Variants in ADCY2 observed in about 807,000 individuals in gnomAD.
ADCY2 encodes the protein adenylate cyclase 2.
Under a neutral mutation model 125.2 loss-of-function variants are expected in ADCY2, and 31 were observed. That is an observed-to-expected ratio of 0.25 (90% confidence interval 0.19 to 0.33). The LOEUF is 0.33. Ranked by LOEUF, ADCY2 falls within the 10% of genes least tolerant of loss-of-function variation. ADCY2 has a pLI of 1.00. For synonymous variants in ADCY2, 512 were observed against 548.4 expected (o/e 0.93, Z 0.93); for missense variants, 904 against 1,418.2 (o/e 0.64, Z 5.82).
chr5:7,590,653 G>A (rs925818024), intron 3 of ADCY2, among the ~76,000 whole-genome samples: 4 of 151,806 alleles, frequency 2.6e-5, no homozygotes, highest in Admixed American at 2.0e-4. Flanking sequence ...ATCAGAAAAG[G>A]TGAAATATTA....
intron 3 of ADCY2, among the ~76,000 whole-genome samples, chr5:7,584,248 C>A (rs778989030): frequency 6.6e-6 from 1 of 151,786 alleles, no homozygotes; most frequent in South Asian, 2.1e-4. Context: ...ACAATGATAG[C>A]GAATGTTGAA....
intron 2 of ADCY2, among the ~76,000 whole-genome samples, chr5:7,470,552 G>T (rs918418524): frequency 6.8e-6 from 1 of 147,086 alleles, no homozygotes; most frequent in African/African-American, 2.5e-5. Flanking sequence ...ATTAATATAT[G>T]TATATATTAT....
In ADCY2 at chr5:7,709,060, C is replaced by G. The variant is rs1741356312; in HGVS notation, c.1402-151C>G. On this transcript the variant is annotated intron_variant, in intron 9 of 24. Transcript: ENST00000338316. This position sits in a 1 kb window ranked among gnomAD's most constrained non-coding sequence, Gnocchi z 4.4. ...TCCCTCAACTCAAATAGTGTGTTCC[C>G]CAGTAACACTGAAGGAATAAGGACA... The G allele has an allele frequency of 1.5e-6, 1 of 657,866 alleles. No individual in the cohort carries two copies. Among genetic ancestry groups the G allele is most frequent in the Non-Finnish European group, 2.2e-6 (1 of 444,880 alleles). The allele number at this position is 657,866 out of a possible 1,614,324, so 40.8% of individuals were successfully genotyped here.
intron 2 of ADCY2, among the ~76,000 whole-genome samples, chr5:7,462,159 C>A (rs1741940174): frequency 6.6e-6 from 1 of 152,220 alleles, no homozygotes; most frequent in Non-Finnish European, 1.5e-5. Context: ...CCTAAGTATT[C>A]TATTAGGCCT....
chr5:7,758,366 T>TCAG (rs981432966), intron 16 of ADCY2, among the ~76,000 whole-genome samples: 4 of 152,134 alleles, frequency 2.6e-5, no homozygotes, highest in African/African-American at 9.7e-5. Flanking sequence ...TGTTCTCACA[T>TCAG]CAGCAGCAGC....
chr5:7,584,569 T>C (rs1264425708), intron 3 of ADCY2, among the ~76,000 whole-genome samples: 2 of 152,118 alleles, frequency 1.3e-5, no homozygotes, highest in Non-Finnish European at 2.9e-5. Context: ...CACCCAGCTT[T>C]GTAACTGTGG....
At chr5:7,485,099 G>A (rs1742874851) in intron 2 of ADCY2, among the ~76,000 whole-genome samples, 1 of 152,122 alleles carries the variant, frequency 6.6e-6, no homozygotes. Flanking sequence ...TAACTTACAT[G>A]TCACTAACTA....
chr5:7,733,627 C>T (rs912436084), intron 14 of ADCY2, among the ~76,000 whole-genome samples: 19 of 152,176 alleles, frequency 1.2e-4, no homozygotes, highest in African/African-American at 4.3e-4. Flanking sequence ...TGTTGAACCC[C>T]CTAGAGCTCC....
intron 3 of ADCY2, among the ~76,000 whole-genome samples, chr5:7,617,105 T>C (rs1737790544): frequency 6.6e-6 from 1 of 152,156 alleles, no homozygotes; most frequent in Admixed American, 6.5e-5. Context: ...AGGGAGTTAA[T>C]CCCTTTTTTT....
intron 2 of ADCY2, among the ~76,000 whole-genome samples, chr5:7,501,646 T>TCCCCCCCTC (rs1743585578): frequency 2.5e-5 from 1 of 40,546 alleles, no homozygotes; most frequent in African/African-American, 9.8e-5. Context: ...GATTCCCCCC[T>TCCCCCCCTC]CCCCCCCCCC....
At chr5:7,710,698 G>T (rs868142747) in intron 10 of ADCY2, among the ~76,000 whole-genome samples, 5 of 152,166 alleles carry the variant, frequency 3.3e-5, no homozygotes, top group Non-Finnish European at 7.3e-5. Context: ...ATTTTATATT[G>T]CATTCTGTGT....
intron 2 of ADCY2, among the ~76,000 whole-genome samples, chr5:7,507,440 CAA>C (rs766601693): frequency 3.6e-4 from 17 of 46,950 alleles, no homozygotes; most frequent in South Asian, 3.6e-3. Flanking sequence ...GACTCCGTCT[CAA>C]AAAAAAAAAA....
chr5:7,668,055 G>C (rs1041580594), intron 4 of ADCY2, among the ~76,000 whole-genome samples: 8 of 152,204 alleles, frequency 5.3e-5, no homozygotes, highest in Non-Finnish European at 7.4e-5. Context: ...GTGAGGATGA[G>C]AGGAAATATT....
At chr5:7,826,493 T>G in intron 24 of ADCY2, 2 of 653,796 alleles carry the variant, frequency 3.1e-6, no homozygotes, top group Non-Finnish European at 2.8e-6. Context: ...GTTACTTGAA[T>G]TTTAGGTTGT....
intron 4 of ADCY2, among the ~76,000 whole-genome samples, chr5:7,666,236 C>T (rs1243833738): frequency 6.6e-6 from 1 of 151,910 alleles, no homozygotes; most frequent in African/African-American, 2.4e-5. Flanking sequence ...TTAAAGAGGC[C>T]ATTTCCTAGG....
At chr5:7,775,251 A>G (rs956446342) in intron 18 of ADCY2, among the ~76,000 whole-genome samples, 5 of 151,882 alleles carry the variant, frequency 3.3e-5, no homozygotes, top group Non-Finnish European at 7.4e-5. Context: ...ACATACACGT[A>G]TATATTTTTA....
chr5:7,538,915 G>C (rs1413127427), intron 3 of ADCY2, among the ~76,000 whole-genome samples: 1 of 140,330 alleles, frequency 7.1e-6, no homozygotes, highest in Non-Finnish European at 1.5e-5. Flanking sequence ...CCAGACTGGA[G>C]TGCAGTGGCA....
chr5:7,679,121 T>C (rs2126712483), intron 4 of ADCY2, among the ~76,000 whole-genome samples: 1 of 152,308 alleles, frequency 6.6e-6, no homozygotes, highest in Admixed American at 6.5e-5. Flanking sequence ...TGTTGACAGC[T>C]AACACAGCAC....
chr5:7,447,663 C>G (rs990234585), intron 2 of ADCY2, among the ~76,000 whole-genome samples: 1 of 152,196 alleles, frequency 6.6e-6, no homozygotes, highest in East Asian at 1.9e-4. Flanking sequence ...GTGAAGAGGT[C>G]GAGAGGCAGG....
Sources: gnomAD v4.1 joint callset for allele counts (sites outside exome capture counted in the v4.1 genomes callset) on GRCh38, gnomAD v4.1.1 for gene constraint, Gnocchi (gnomAD v3.1) non-coding constraint, MANE v1.5 for transcripts, NCBI Gene and HGNC (gene_info 2026-07-23, HGNC 2026-07-21) for gene names.